Variants in SLC35F4 observed in about 807,000 individuals in gnomAD.
SLC35F4 encodes the protein solute carrier family 35 member F4, also known as chromosome 14 open reading frame 36.
In SLC35F4, 24 loss-of-function variants were observed where a neutral mutation model predicts 44.2. The ratio of observed to expected loss-of-function variants is 0.54; its 90% CI spans 0.39 to 0.76. SLC35F4 has a LOEUF of 0.76. SLC35F4 is among the 30% of genes least tolerant of loss of function. The probability of loss-of-function intolerance (pLI) is 0.00; values close to 1 mark genes in which losing one functional copy is unlikely to be tolerated. For synonymous variants in SLC35F4, 238 were observed against 223.6 expected (o/e 1.06, Z -0.57); for missense variants, 562 against 586.1 (o/e 0.96, Z 0.42).
chr14:57,577,790 T>C (rs973343787), intron 4 of SLC35F4, among the ~76,000 whole-genome samples: 1 of 152,206 alleles, frequency 6.6e-6, no homozygotes, highest in Non-Finnish European at 1.5e-5. Flanking sequence ...AGCTGGATTA[T>C]CACTTTCTAA....
chr14:57,722,425 A>G (rs2076107359), intron 1 of SLC35F4, among the ~76,000 whole-genome samples: 1 of 152,200 alleles, frequency 6.6e-6, no homozygotes, highest in South Asian at 2.1e-4. Flanking sequence ...GAGGGTCCAG[A>G]AGATACACCC....
At position 57,882,817 on chromosome 14, in the gene SLC35F4, C is replaced by T. The variant is rs572333787; in HGVS notation, n.282+99096G>A. Reference sequence around the variant, plus strand: ...TTTTTGCCCAAATTCTTCACCTCTCCCTGTATCCATGACCTTTCCCATGTA... The same window carrying T: ...TTTTTGCCCAAATTCTTCACCTCTCTCTGTATCCATGACCTTTCCCATGTA... On this transcript the variant is annotated intron_variant and non_coding_transcript_variant, in intron 1 of 1. Coordinates refer to the SLC35F4 transcript ENST00000556568. Among the ~76,000 whole-genome samples the T allele has an allele frequency of 1.3e-5, 2 of 152,208 alleles. 1 individual carries two copies. Among genetic ancestry groups the T allele is most frequent in the African/African-American group, 4.8e-5 (2 of 41,522 alleles).
chr14:57,796,527 G>T (rs368164724), intron 1 of SLC35F4, among the ~76,000 whole-genome samples: 1 of 152,160 alleles, frequency 6.6e-6, no homozygotes, highest in South Asian at 2.1e-4. Flanking sequence ...TGTGCAACTT[G>T]TTTCAAATAC....
chr14:57,937,625 GAAAAGAAAAGAAAAGAAAAGAA>G (rs1889835708), intron 1 of SLC35F4, among the ~76,000 whole-genome samples: 1 of 121,450 alleles, frequency 8.2e-6, no homozygotes, highest in Admixed American at 7.8e-5. Flanking sequence ...GAAAAGAAAA[GAAAAGAAAAGAAAAGAAAAGAA>G]AAGAAAAAAG....
intron 1 of SLC35F4, among the ~76,000 whole-genome samples, chr14:57,674,704 T>C (rs1204272821): frequency 6.6e-6 from 1 of 152,036 alleles, no homozygotes; most frequent in Non-Finnish European, 1.5e-5. Context: ...GTAAAAGACA[T>C]AAGACTCCTG....
At chr14:57,577,530 A>T (rs928091674) in intron 4 of SLC35F4, among the ~76,000 whole-genome samples, 1 of 152,228 alleles carries the variant, frequency 6.6e-6, no homozygotes, top group Non-Finnish European at 1.5e-5. Flanking sequence ...GTATAAAAAA[A>T]TAAGAGAGGG....
At chr14:57,825,896 C>G (rs530700151) in intron 1 of SLC35F4, among the ~76,000 whole-genome samples, 4 of 152,144 alleles carry the variant, frequency 2.6e-5, no homozygotes, top group Non-Finnish European at 5.9e-5. Flanking sequence ...ATTTCATGCT[C>G]ATGAGCAGAA....
intron 1 of SLC35F4, among the ~76,000 whole-genome samples, chr14:57,778,124 A>C (rs534334077): frequency 3.9e-4 from 59 of 152,324 alleles, no homozygotes; most frequent in African/African-American, 1.4e-3. Context: ...TTTTAAAAAA[A>C]GGAAATTTCT....
rs1241968437 is a variant in SLC35F4, at chr14:57,964,987, A to AT, written n.282+16925_282+16926insA. ...GCTCCCATGGGGGAAAAAAAAAAAA[A>AT]AAAAATATATATATATATATATATA... is the stretch of plus-strand genomic sequence containing the variant. On this transcript the variant is annotated intron_variant and non_coding_transcript_variant, in intron 1 of 1. Transcript: ENST00000556568. Among the ~76,000 whole-genome samples the AT allele has an allele frequency of 0.015, 1,993 of 131,162 alleles. 79 individuals are homozygous for AT. In the East Asian group the frequency reaches 0.17, roughly 12 times the overall value. 86.0% of individuals were successfully genotyped at this position (131,162 alleles called of 152,430 possible). A position where few individuals can be genotyped will look rare whatever the true frequency, so the allele number is the denominator to read the frequency against.
At chr14:57,772,423 T>C (rs555801177) in intron 1 of SLC35F4, among the ~76,000 whole-genome samples, 2 of 152,166 alleles carry the variant, frequency 1.3e-5, no homozygotes, top group Non-Finnish European at 1.5e-5. Context: ...GTTTGTTATA[T>C]GGGTATATTG....
At chr14:57,594,216 G>A (rs772262002) in intron 1 of SLC35F4, 92 bp from the exon 2 acceptor site, 2 of 1,221,682 alleles carry the variant, frequency 1.6e-6, no homozygotes, top group African/African-American at 3.0e-5. Context: ...TGGAAACAGG[G>A]TCTCACTCTG....
intron 1 of SLC35F4, among the ~76,000 whole-genome samples, chr14:57,636,346 G>GA (rs1436112790): frequency 6.6e-6 from 1 of 152,070 alleles, no homozygotes; most frequent in Non-Finnish European, 1.5e-5. Flanking sequence ...AGGTTGCACT[G>GA]AAAATACCAT....
chr14:57,626,972 A>G (rs1472868416), intron 1 of SLC35F4, among the ~76,000 whole-genome samples: 2 of 152,142 alleles, frequency 1.3e-5, no homozygotes, highest in African/African-American at 2.4e-5. Flanking sequence ...TCCTGGTTAA[A>G]GGGAAGAGAC....
chr14:57,899,939 C>A (rs558576141), intron 1 of SLC35F4, among the ~76,000 whole-genome samples: 1 of 152,098 alleles, frequency 6.6e-6, no homozygotes, highest in Non-Finnish European at 1.5e-5. Flanking sequence ...GAAGGGGACC[C>A]AAGTGGGTTA....
chr14:57,661,497 T>G (rs995481177), intron 1 of SLC35F4, among the ~76,000 whole-genome samples: 1 of 152,188 alleles, frequency 6.6e-6, no homozygotes, highest in Non-Finnish European at 1.5e-5. Flanking sequence ...AACCTTCTAA[T>G]TTGGTCTTGG....
intron 1 of SLC35F4, among the ~76,000 whole-genome samples, chr14:57,656,702 C>T (rs2073984613): frequency 6.6e-6 from 1 of 152,008 alleles, no homozygotes; most frequent in African/African-American, 2.4e-5. Context: ...GCAACTGGCC[C>T]ATATCAAGTA....
chr14:57,961,160 G>A (rs1164745342), intron 1 of SLC35F4, among the ~76,000 whole-genome samples: 1 of 152,094 alleles, frequency 6.6e-6, no homozygotes, highest in East Asian at 1.9e-4. Context: ...TGGACCCAAG[G>A]ACTCATGGTT....
At chr14:57,907,308 C>T (rs991132296) in intron 1 of SLC35F4, among the ~76,000 whole-genome samples, 5 of 152,122 alleles carry the variant, frequency 3.3e-5, no homozygotes, top group African/African-American at 1.2e-4. Flanking sequence ...TTCATATGCA[C>T]TGGAAAAACA....
intron 1 of SLC35F4, among the ~76,000 whole-genome samples, chr14:57,706,359 G>T (rs1594842953): frequency 6.6e-6 from 1 of 152,150 alleles, no homozygotes; most frequent in African/African-American, 2.4e-5. Flanking sequence ...AGCTGAAAAT[G>T]TAACTTCAAA....
Sources: gnomAD v4.1 joint callset for allele counts (sites outside exome capture counted in the v4.1 genomes callset) on GRCh38, gnomAD v4.1.1 for gene constraint, MANE v1.5 for transcripts, NCBI Gene and HGNC (gene_info 2026-07-23, HGNC 2026-07-21) for gene names.